Variants in GALNT11 observed in about 807,000 individuals in gnomAD.
The protein encoded by GALNT11 is UDP-GalNAc:polypeptide N-acetylgalactosaminyltransferase 11.
Under a neutral mutation model 72.7 loss-of-function variants are expected in GALNT11, and 47 were observed. That is an observed-to-expected ratio of 0.65 (90% CI 0.51 to 0.82). The LOEUF is 0.82. Ranked by LOEUF, GALNT11 falls within the 40% of genes least tolerant of loss-of-function variation. The pLI is 0.00. For synonymous variants in GALNT11, 270 were observed against 286.6 expected (o/e 0.94, Z 0.58); for missense variants, 677 against 778.4 (o/e 0.87, Z 1.55).
At chr7:152,118,841 A>AGCT in intron 10 of GALNT11, 59 bp downstream of exon 10, 1 of 1,372,426 alleles carries the variant, frequency 7.3e-7, no homozygotes, top group Non-Finnish European at 1.0e-6. Context: ...AGTGTAGGGA[A>AGCT]GCTGCTGCCA....
chr7:152,117,333 C>G lies in GALNT11; in HGVS notation c.1410C>G (p.Val470=), dbSNP rs925968279. 14 of 1,613,974 alleles carry G rather than the reference C, an allele frequency of 8.7e-6. No homozygotes were observed. In the African/African-American group the frequency reaches 1.9e-4, roughly 22 times the overall value. ...SHAKPQQPIF[V]NRGPKRPKVL... ...CCAAACCCCAACAACCCATTTTTGT[C>G]AATAGAGGGCCAAAACGACCCAAAG... Residue 470 remains valine (V), a synonymous_variant, in exon 9 of 12, where the codon GTC becomes GTG. Coordinates refer to ENST00000430044, the MANE Select transcript of GALNT11 (RefSeq NM_022087.4).
intron 1 of GALNT11, among the ~76,000 whole-genome samples, chr7:152,088,991 A>G (rs1177126687): frequency 6.6e-6 from 1 of 152,202 alleles, no homozygotes; most frequent in Non-Finnish European, 1.5e-5. Context: ...TCCACAGACA[A>G]AATCATACCC....
At chr7:152,033,087 C>A (rs2082381670) in intron 1 of GALNT11, among the ~76,000 whole-genome samples, 1 of 152,190 alleles carries the variant, frequency 6.6e-6, no homozygotes, top group Admixed American at 6.5e-5. Context: ...ATGACATGAG[C>A]TGGCGCTTGC....
intron 1 of GALNT11, among the ~76,000 whole-genome samples, chr7:152,036,154 G>C (rs902785668): frequency 2.0e-5 from 3 of 152,108 alleles, no homozygotes; most frequent in Admixed American, 1.3e-4. Flanking sequence ...TTTGTTGACT[G>C]TAGTCATGCT....
At chr7:152,117,469 CTT>C (rs2088980742) in intron 9 of GALNT11, 94 bp downstream of exon 9, 2 of 1,177,812 alleles carry the variant, frequency 1.7e-6, no homozygotes, top group Non-Finnish European at 2.5e-6. Context: ...ACACTGTGGA[CTT>C]AACAGAGTGT....
chr7:152,076,384 G>GTAATCCCAGGACAC (rs2084979535), intron 1 of GALNT11, among the ~76,000 whole-genome samples: 1 of 152,166 alleles, frequency 6.6e-6, no homozygotes, highest in African/African-American at 2.4e-5. Context: ...TATTTGCGAG[G>GTAATCCCAGGACAC]TAATCCCAGG....
intron 1 of GALNT11, among the ~76,000 whole-genome samples, chr7:152,056,240 ATT>A (rs991875495): frequency 2.0e-5 from 3 of 152,210 alleles, no homozygotes; most frequent in Non-Finnish European, 4.4e-5. Flanking sequence ...CACTATGGAC[ATT>A]TGGACCAGAT....
chr7:152,048,611 G>A (rs559610679), intron 1 of GALNT11, among the ~76,000 whole-genome samples: 12 of 151,308 alleles, frequency 7.9e-5, no homozygotes, highest in Middle Eastern at 3.4e-3. Flanking sequence ...CTCACTGCAA[G>A]CTCCACCTCC....
At chr7:152,040,125 G>A (rs1033246237) in intron 1 of GALNT11, among the ~76,000 whole-genome samples, 3 of 151,806 alleles carry the variant, frequency 2.0e-5, no homozygotes, top group East Asian at 1.9e-4. Flanking sequence ...AGCTTGGCTA[G>A]TATAGCCTGG....
intron 4 of GALNT11, chr7:152,105,000 A>C (rs1380318349): frequency 6.6e-6 from 2 of 303,776 alleles, no homozygotes; most frequent in Admixed American, 5.0e-5. Context: ...GATGCTATGG[A>C]GATACAAATA....
At chr7:152,082,313 C>G (rs966329241) in intron 1 of GALNT11, among the ~76,000 whole-genome samples, 1 of 152,248 alleles carries the variant, frequency 6.6e-6, no homozygotes, top group East Asian at 1.9e-4. Context: ...GAGAGTACAC[C>G]GAACAAAGGA....
chr7:152,031,526 G>A (rs922032013), intron 1 of GALNT11, among the ~76,000 whole-genome samples: 6 of 152,208 alleles, frequency 3.9e-5, no homozygotes, highest in Non-Finnish European at 8.8e-5. Flanking sequence ...TCCAGACAGT[G>A]AGATCCTTTC....
intron 2 of GALNT11, among the ~76,000 whole-genome samples, chr7:152,095,119 T>G (rs2129039514): frequency 6.6e-6 from 1 of 152,288 alleles, no homozygotes; most frequent in East Asian, 1.9e-4. Flanking sequence ...TTAACAAGAA[T>G]TACTAAGGTG....
At chr7:152,055,529 G>A (rs1034829422) in intron 1 of GALNT11, among the ~76,000 whole-genome samples, 5 of 88,500 alleles carry the variant, frequency 5.6e-5, no homozygotes, top group Non-Finnish European at 9.4e-5. Context: ...GCGTGTGTGT[G>A]TGTGTGTGTG....
intron 1 of GALNT11, among the ~76,000 whole-genome samples, chr7:152,037,378 A>G (rs2082631860): frequency 6.6e-6 from 1 of 152,102 alleles, no homozygotes; most frequent in South Asian, 2.1e-4. Context: ...CTGTAGATGT[A>G]TGGATTTGTT....
intron 6 of GALNT11, among the ~76,000 whole-genome samples, chr7:152,109,976 C>T (rs537432299): frequency 6.6e-6 from 1 of 152,298 alleles, no homozygotes; most frequent in East Asian, 1.9e-4. Flanking sequence ...TAGGGGCCCT[C>T]TTGTGCATTT....
intron 10 of GALNT11, 58 bp downstream of exon 10, chr7:152,118,840 A>C (rs1396755797): frequency 7.1e-7 from 1 of 1,409,098 alleles, no homozygotes; most frequent in Non-Finnish European, 9.8e-7. Flanking sequence ...CAGTGTAGGG[A>C]AGCTGCTGCC....
At chr7:152,117,089 C>A (rs2088940349) in intron 8 of GALNT11, 68 bp from the exon 9 acceptor site, 1 of 1,358,724 alleles carries the variant, frequency 7.4e-7, no homozygotes, top group African/African-American at 1.5e-5. Context: ...TAAAAAATCT[C>A]TATATAGTTG....
At chr7:152,102,007 C>T (rs2086966079) in intron 3 of GALNT11, among the ~76,000 whole-genome samples, 1 of 152,070 alleles carries the variant, frequency 6.6e-6, no homozygotes, top group African/African-American at 2.4e-5. Flanking sequence ...TGATTTGATA[C>T]ATGGAAGCTC....
Sources: gnomAD v4.1 joint callset for allele counts (sites outside exome capture counted in the v4.1 genomes callset) on GRCh38, gnomAD v4.1.1 for gene constraint, MANE v1.5 for transcripts, NCBI Gene and HGNC (gene_info 2026-07-23, HGNC 2026-07-21) for gene names.